The following CCDC69 variants were observed in gnomAD, a reference collection of about 807,000 sequenced individuals.
CCDC69 encodes coiled-coil domain containing 69.
In CCDC69, 38 loss-of-function variants were observed where a neutral mutation model predicts 40.3. That is an observed-to-expected ratio of 0.94 (90% CI 0.73 to 1.24). The LOEUF is 1.24. Among genes scored for constraint, CCDC69 ranks in the 50% most tolerant of loss-of-function variants. CCDC69 has a pLI of 0.00. For synonymous variants in CCDC69, 141 were observed against 138.9 expected, an observed-to-expected ratio of 1.02 and a Z score of -0.11; for missense variants, 389 against 357.9, an observed-to-expected ratio of 1.09 and a Z score of -0.70.
At chr5:151,210,550 T>TA (rs1323210664) in intron 1 of CCDC69, 2 of 151,400 alleles carry the variant, frequency 1.3e-5, no homozygotes, top group Admixed American at 6.6e-5. Flanking sequence ...TCCCAAAAAA[T>TA]AAAAAATTAA....
intron 8 of CCDC69, 65 bp downstream of exon 8, chr5:151,184,279 C>T: frequency 8.0e-7 from 1 of 1,242,494 alleles, no homozygotes; most frequent in Admixed American, 1.7e-5. Flanking sequence ...CTCTAAGACT[C>T]TCCCAGCTGG....
chr5:151,202,200 A>C (rs58433086), intron 2 of CCDC69, among the ~76,000 whole-genome samples: 1 of 150,642 alleles, frequency 6.6e-6, no homozygotes, highest in East Asian at 1.9e-4. Flanking sequence ...TAAAAAAAAA[A>C]AAAAAAAAAA....
rs368742125 is a variant in CCDC69, at chr5:151,183,542, C to T, written c.786G>A (p.Gln262=). 6.2e-7 allele frequency: 1 copy of T among 1,611,382 alleles called. No homozygotes were observed. Among genetic ancestry groups the T allele is most frequent in the Non-Finnish European group, 8.5e-7 (1 of 1,179,232 alleles). The change falls in exon 9 of 9, where the codon CAG becomes CAA. Residue 262 remains glutamine (Q), a synonymous_variant. Coordinates refer to ENST00000355417, the MANE Select transcript of CCDC69 (RefSeq NM_015621.3). ...EKEVQLRRQL[Q]QEKEELLYRV... is the part of the protein sequence containing the mutation. ...GGTACAACAGCTCCTCCTTCTCCTG[C>T]TGGAGCTGTCGCCGCAGCTGCACCT...
At chr5:151,212,801 C>A (rs760849799) in intron 1 of CCDC69, 3 of 455,936 alleles carry the variant, frequency 6.6e-6, no homozygotes, top group Non-Finnish European at 1.3e-5. Flanking sequence ...TCATCTACAG[C>A]CTTGGAGGAC....
intron 2 of CCDC69, among the ~76,000 whole-genome samples, chr5:151,203,818 A>G (rs1752812652): frequency 8.1e-6 from 1 of 122,902 alleles, no homozygotes; most frequent in Non-Finnish European, 1.6e-5. Flanking sequence ...TATATATCGT[A>G]TATATAGTAT....
intron 1 of CCDC69, 55 bp downstream of exon 1, chr5:151,223,868 C>G (rs749442792): frequency 3.4e-5 from 53 of 1,551,636 alleles, no homozygotes; most frequent in Non-Finnish European, 4.7e-5. Context: ...TGCGGCGGAG[C>G]GATTCCGCAC....
At chr5:151,210,585 T>C (rs1752932627) in intron 1 of CCDC69, 2 of 152,182 alleles carry the variant, frequency 1.3e-5, no homozygotes, top group South Asian at 2.1e-4. Context: ...AATAAACATA[T>C]TGATTTGTAA....
chr5:151,185,283 A>G, intron 7 of CCDC69, 139 bp downstream of exon 7: 2 of 881,588 alleles, frequency 2.3e-6, no homozygotes, highest in Non-Finnish European at 3.5e-6. Context: ...CTCAGTGGTC[A>G]GCACAGGTGG....
In CCDC69 at chr5:151,187,375, G is replaced by A. The variant is rs369726489; in HGVS notation, c.393+11C>T. 118 of 1,613,108 alleles carry A rather than the reference G, an allele frequency of 7.3e-5. No homozygotes were observed. In the African/African-American group the frequency reaches 1.5e-3, roughly 20 times the overall value. ...CCTTATCCAAGACTGACACGACCCAGCCCCTCTCACCTGCTGGGTAGAACT... is the reference window on the plus strand; with the variant it reads ...CCTTATCCAAGACTGACACGACCCAACCCCTCTCACCTGCTGGGTAGAACT... On this transcript the variant is annotated intron_variant, in intron 5 of 8. Transcript: ENST00000355417.
intron 1 of CCDC69, among the ~76,000 whole-genome samples, chr5:151,222,196 A>C (rs1753143728): frequency 6.6e-6 from 1 of 152,204 alleles, no homozygotes; most frequent in South Asian, 2.1e-4. Context: ...TCTAGGCCTT[A>C]ACCTCCTATC....
chr5:151,204,891 GT>G (rs1752831570), intron 2 of CCDC69, among the ~76,000 whole-genome samples: 1 of 151,938 alleles, frequency 6.6e-6, no homozygotes, highest in African/African-American at 2.4e-5. Flanking sequence ...AGATTTAGGG[GT>G]ACGCATGCAG....
chr5:151,187,494 A>G, intron 4 of CCDC69, 35 bp from the exon 5 acceptor site: 1 of 1,556,568 alleles, frequency 6.4e-7, no homozygotes, highest in Non-Finnish European at 8.7e-7. Flanking sequence ...AGCTCAAGAC[A>G]CTTCTCCCCA....
chr5:151,199,016 C>T lies in CCDC69; in HGVS notation c.300G>A (p.Lys100=). The T allele has an allele frequency of 6.2e-7, 1 of 1,614,088 alleles. No homozygotes were observed. Among genetic ancestry groups the T allele is most frequent in the Non-Finnish European group, 8.5e-7 (1 of 1,179,942 alleles). ...LDEQQRVLEG[K]NEEALQVLRA... Reference sequence around the variant, plus strand: ...CCTTACCTTGCAGGGCCTCTTCATTCTTTCCTTCCAGGACCCTTTGCTGCT... The same window carrying T: ...CCTTACCTTGCAGGGCCTCTTCATTTTTTCCTTCCAGGACCCTTTGCTGCT... The change falls in exon 4 of 9, where the codon AAG becomes AAA. Residue 100 remains lysine, a synonymous_variant. Coordinates refer to ENST00000355417, the MANE Select transcript of CCDC69 (RefSeq NM_015621.3).
chr5:151,223,675 G>A (rs1753170202), intron 1 of CCDC69, among the ~76,000 whole-genome samples: 2 of 152,240 alleles, frequency 1.3e-5, no homozygotes, highest in South Asian at 4.1e-4. Flanking sequence ...ACCCGAGGCA[G>A]CGGGAATCAG....
At chr5:151,213,123 C>A (rs1045647005) in intron 1 of CCDC69, among the ~76,000 whole-genome samples, 1 of 152,184 alleles carries the variant, frequency 6.6e-6, no homozygotes, top group Non-Finnish European at 1.5e-5. Flanking sequence ...TAAAGACCAC[C>A]AGCATTAATG....
chr5:151,188,417 C>T (rs1332505866), intron 4 of CCDC69, among the ~76,000 whole-genome samples: 2 of 151,986 alleles, frequency 1.3e-5, no homozygotes, highest in African/African-American at 4.8e-5. Flanking sequence ...CCAGCCTGGC[C>T]GACATGGCAA....
chr5:151,209,047 G>A (rs934880175), intron 1 of CCDC69, among the ~76,000 whole-genome samples: 8 of 152,206 alleles, frequency 5.3e-5, no homozygotes, highest in African/African-American at 1.9e-4. Context: ...ATTAGAACCA[G>A]GTGTGAGAAT....
rs368554638 is a variant in CCDC69, at chr5:151,204,962, C to A, written c.124+438G>T. The stretch of plus-strand genomic sequence containing the variant: ...TTTGGGTACAAATGATCCTGTCACC[C>A]AGGTACTAAGCATAGTACCCAACAG... On this transcript the variant is annotated intron_variant, in intron 2 of 8. Coordinates refer to ENST00000355417, the MANE Select transcript of CCDC69 (RefSeq NM_015621.3). 1.2e-3 allele frequency among the ~76,000 whole-genome samples: 184 copies of A among 152,190 alleles called. 8 individuals are homozygous for A. The South Asian group carries it at 0.037, about 31-fold the overall frequency.
intron 1 of CCDC69, among the ~76,000 whole-genome samples, chr5:151,209,655 C>T (rs1229593048): frequency 6.6e-6 from 1 of 152,032 alleles, no homozygotes; most frequent in Admixed American, 6.6e-5. Context: ...TCAGGGCTCA[C>T]TGCAACCTCC....
Sources: gnomAD v4.1 joint callset for allele counts (sites outside exome capture counted in the v4.1 genomes callset) on GRCh38, gnomAD v4.1.1 for gene constraint, MANE v1.5 for transcripts, NCBI Gene and HGNC (gene_info 2026-07-23, HGNC 2026-07-21) for gene names.